NELL1: variants seen among roughly 807,000 people sequenced by gnomAD.
The protein encoded by NELL1 is protein kinase C-binding protein NELL1.
A neutral mutation model predicts 107.4 loss-of-function variants in NELL1; 76 were observed. The ratio of observed to expected loss-of-function variants is 0.71; its 90% CI spans 0.59 to 0.86. The LOEUF is 0.86. NELL1 is among the 40% of genes least tolerant of loss of function. The probability of loss-of-function intolerance (pLI) is 0.00; values close to 1 mark genes in which losing one functional copy is unlikely to be tolerated. For synonymous variants in NELL1, 353 were observed against 341.2 expected (o/e 1.03, Z -0.38); for missense variants, 1,024 against 1,005.5 (o/e 1.02, Z -0.25).
chr11:21,116,030 C>T (rs1194855202), intron 13 of NELL1, among the ~76,000 whole-genome samples: 1 of 151,928 alleles, frequency 6.6e-6, no homozygotes, highest in Non-Finnish European at 1.5e-5. Context: ...TTATTGTCCT[C>T]ACCTTACATT....
intron 13 of NELL1, among the ~76,000 whole-genome samples, chr11:21,160,430 A>G (rs1267330887): frequency 6.6e-6 from 1 of 152,142 alleles, no homozygotes; most frequent in African/African-American, 2.4e-5. Flanking sequence ...AGGAGTTTTT[A>G]TTTTAAATCC....
At chr11:20,706,088 C>T (rs1232988988) in intron 2 of NELL1, among the ~76,000 whole-genome samples, 1 of 152,134 alleles carries the variant, frequency 6.6e-6, no homozygotes, top group Non-Finnish European at 1.5e-5. Flanking sequence ...CTAGTTCAAC[C>T]ATTGTGGAAG....
intron 7 of NELL1, among the ~76,000 whole-genome samples, chr11:20,922,140 T>C (rs1394264306): frequency 2.6e-5 from 4 of 152,062 alleles, no homozygotes; most frequent in African/African-American, 9.7e-5. Flanking sequence ...GGGGTTTGCT[T>C]TAAGGTACCC....
chr11:20,669,615 C>A lies in NELL1; in HGVS notation c.-109C>A. ...GGCGCTGCCGAGCCACCTCCCCCGC[C>A]GCCCGCTAGCAAGTTTGGCGGCTCC... On this transcript the variant is annotated 5_prime_UTR_variant, in exon 1 of 20. Transcript: ENST00000357134. The surrounding 1 kb of genome is among the most constrained non-coding windows in gnomAD (Gnocchi z 4.4). 1 of 921,600 alleles carries A rather than the reference C, an allele frequency of 1.1e-6. No homozygotes were observed. Among genetic ancestry groups the A allele is most frequent in the South Asian group, 1.5e-5 (1 of 67,056 alleles). 57.1% of individuals were successfully genotyped at this position (921,600 alleles called of 1,614,324 possible).
At chr11:21,466,175 C>G (rs1335538568) in intron 15 of NELL1, among the ~76,000 whole-genome samples, 1 of 152,130 alleles carries the variant, frequency 6.6e-6, no homozygotes, top group East Asian at 1.9e-4. Context: ...CAATAGCCGA[C>G]TTATTTTTCC....
At chr11:21,058,051 A>G (rs553348362) in intron 12 of NELL1, among the ~76,000 whole-genome samples, 1 of 152,232 alleles carries the variant, frequency 6.6e-6, no homozygotes, top group South Asian at 2.1e-4. Context: ...AAATATAAAA[A>G]ATGTCACTGT....
At chr11:21,229,606 GA>G in intron 14 of NELL1, 152 bp downstream of exon 14, 1 of 1,050,340 alleles carries the variant, frequency 9.5e-7, no homozygotes, top group Non-Finnish European at 1.4e-6. Flanking sequence ...GTGCGTCAGG[GA>G]AAAAGAAAAA....
intron 15 of NELL1, among the ~76,000 whole-genome samples, chr11:21,386,226 T>A (rs1337509183): frequency 6.6e-6 from 1 of 151,488 alleles, no homozygotes; most frequent in Non-Finnish European, 1.5e-5. Flanking sequence ...ATGTAGTAAT[T>A]ATTAACCCAG....
intron 3 of NELL1, among the ~76,000 whole-genome samples, chr11:20,828,425 A>G (rs916746243): frequency 1.6e-4 from 25 of 152,170 alleles, no homozygotes; most frequent in African/African-American, 5.6e-4. Context: ...CCCAGAAGAG[A>G]GTTAATAATT....
At chr11:20,852,861 G>A (rs191039907) in intron 4 of NELL1, among the ~76,000 whole-genome samples, 13 of 152,296 alleles carry the variant, frequency 8.5e-5, no homozygotes, top group Admixed American at 2.6e-4. Context: ...TAGGAAGATA[G>A]GACATATTCA....
chr11:21,003,140 C>A (rs74363179), intron 12 of NELL1, among the ~76,000 whole-genome samples: 1 of 151,982 alleles, frequency 6.6e-6, no homozygotes, highest in Non-Finnish European at 1.5e-5. Context: ...AGGATCTGTG[C>A]GGAATAAATT....
chr11:21,570,732 G>A (rs1018010384), intron 17 of NELL1, 32 bp from the exon 18 acceptor site: 1 of 1,600,748 alleles, frequency 6.2e-7, no homozygotes, highest in East Asian at 2.2e-5. Context: ...TGTCCTAAAT[G>A]ATGAAACCTC....
intron 14 of NELL1, among the ~76,000 whole-genome samples, chr11:21,259,732 CT>C (rs1367310623): frequency 6.6e-6 from 1 of 151,214 alleles, no homozygotes; most frequent in East Asian, 2.0e-4. Context: ...GTCCATAGAC[CT>C]TTTTCTTTTT....
At chr11:21,312,506 A>T (rs79814951) in intron 14 of NELL1, among the ~76,000 whole-genome samples, 3,637 of 152,254 alleles carry the variant, frequency 0.024, 151 homozygotes, top group African/African-American at 0.084. Flanking sequence ...TCACACCCTG[A>T]TTACCTGCCA....
chr11:20,755,865 GTTTTTTTTTTTTTTTTTTTTT>G (rs574606148), intron 2 of NELL1, among the ~76,000 whole-genome samples: 20 of 122,082 alleles, frequency 1.6e-4, no homozygotes, highest in African/African-American at 5.0e-4. Flanking sequence ...CAGACCTGCG[GTTTTTTTTTTTTTTTTTTTTT>G]TTTTTTTTTT....
chr11:20,907,355 A>G (rs1274924453), intron 5 of NELL1, among the ~76,000 whole-genome samples: 1 of 152,072 alleles, frequency 6.6e-6, no homozygotes, highest in Admixed American at 6.6e-5. Context: ...TCCAGAGTAT[A>G]CAAAGTACTC....
At chr11:21,315,867 G>T (rs995821244) in intron 14 of NELL1, among the ~76,000 whole-genome samples, 1 of 95,698 alleles carries the variant, frequency 1.0e-5, no homozygotes, top group African/African-American at 4.5e-5. Flanking sequence ...TGTGTTGGTG[G>T]TGGTGGTGGT....
At chr11:20,924,781 T>C (rs1043039941) in intron 7 of NELL1, among the ~76,000 whole-genome samples, 1 of 152,196 alleles carries the variant, frequency 6.6e-6, no homozygotes, top group African/African-American at 2.4e-5. Flanking sequence ...CAAGGTCATA[T>C]ATCTGTTACT....
chr11:21,564,877 T>C (rs963500796), intron 17 of NELL1, among the ~76,000 whole-genome samples: 35 of 151,962 alleles, frequency 2.3e-4, no homozygotes, highest in Admixed American at 1.7e-3. Context: ...TATGTAAACC[T>C]ATTCCCAGAA....
Sources: allele counts gnomAD v4.1 joint callset (sites outside exome capture counted in the v4.1 genomes callset), GRCh38; gene constraint gnomAD v4.1.1; non-coding constraint Gnocchi (gnomAD v3.1); transcripts MANE v1.5; gene names NCBI Gene and HGNC (gene_info 2026-07-23, HGNC 2026-07-21).